The following APBB2 variants were observed in gnomAD, a reference collection of about 807,000 sequenced individuals.
APBB2 encodes Fe65-like 1.
Under a neutral mutation model 82.5 loss-of-function variants are expected in APBB2, and 38 were observed. That is an observed-to-expected ratio of 0.46 (90% CI 0.36 to 0.60). The LOEUF is 0.60. APBB2 is among the 20% of genes least tolerant of loss of function. The pLI, the probability that APBB2 is intolerant of heterozygous loss-of-function variation, is 0.00. For missense variants in APBB2, 772 were observed against 972.3 expected (o/e 0.79, Z 2.74); for synonymous variants, 341 against 368.2 (o/e 0.93, Z 0.85).
chr4:40,816,095 T>A lies in APBB2; in HGVS notation c.2277A>T (p.Pro759=). Reference sequence around the variant, plus strand: ...CCGAGTCCTTTTGCATGTGCAGCTATGGCATTTCGGTGACAGGGCGTTTCT... The same window carrying A: ...CCGAGTCCTTTTGCATGTGCAGCTAAGGCATTTCGGTGACAGGGCGTTTCT... The part of the protein sequence containing the change: ...LKQKRPVTEM[P] Residue 759 remains proline, a synonymous_variant, in exon 18 of 18, where the codon CCA becomes CCT. Coordinates refer to ENST00000508593, the MANE Select transcript of APBB2 (RefSeq NM_004307.2). The A allele has an allele frequency of 6.2e-7, 1 of 1,613,254 alleles. No homozygotes were observed. The highest frequency in any genetic ancestry group is 1.1e-5 in the South Asian group (1 of 91,064).
Position 40,944,937 on chromosome 4 carries a change from G to A in APBB2, c.972C>T (p.Ile324=), listed in dbSNP as rs764018049. The stretch of plus-strand genomic sequence containing the variant: ...TCCTAGAACCCTGGAGATCTGCTGG[G>A]ATGGAGACGGGCCGTTCCCACTGAG... ...GTTQWERPVS[I]PADLQGSRKG... Residue 324 remains isoleucine (I), a synonymous_variant, in exon 7 of 18, where the codon ATC becomes ATT. Coordinates refer to ENST00000508593, the MANE Select transcript of APBB2 (RefSeq NM_004307.2). The A allele has an allele frequency of 1.9e-5, 30 of 1,613,918 alleles. No individual in the cohort carries two copies. The highest frequency in any genetic ancestry group is 2.4e-5 in the Non-Finnish European group (28 of 1,180,028).
At chr4:41,117,538 G>A (rs764354729) in intron 2 of APBB2, among the ~76,000 whole-genome samples, 18 of 152,048 alleles carry the variant, frequency 1.2e-4, no homozygotes, top group Non-Finnish European at 1.9e-4. Flanking sequence ...TGATCCACCC[G>A]CCTTGGCCTC....
At chr4:40,871,352 C>A (rs972004332) in intron 12 of APBB2, among the ~76,000 whole-genome samples, 2 of 151,928 alleles carry the variant, frequency 1.3e-5, no homozygotes, top group Admixed American at 1.3e-4. Context: ...GCCACGTTGG[C>A]CAGGCTGGTC....
At chr4:40,852,847 C>T (rs963156431) in intron 12 of APBB2, among the ~76,000 whole-genome samples, 1 of 152,108 alleles carries the variant, frequency 6.6e-6, no homozygotes, top group African/African-American at 2.4e-5. Flanking sequence ...TGCCACGTTG[C>T]CCAGGCTGGT....
chr4:41,153,171 TG>T (rs1762690403), intron 1 of APBB2, among the ~76,000 whole-genome samples: 1 of 152,210 alleles, frequency 6.6e-6, no homozygotes, highest in Admixed American at 6.5e-5. Flanking sequence ...CTTTTGTGTT[TG>T]CTTACACATA....
At chr4:41,088,743 GGTTTT>G (rs950701132) in intron 3 of APBB2, among the ~76,000 whole-genome samples, 4 of 152,152 alleles carry the variant, frequency 2.6e-5, no homozygotes, top group African/African-American at 9.7e-5. Flanking sequence ...ATAACTAGCA[GGTTTT>G]GTTTTATTTT....
intron 1 of APBB2, among the ~76,000 whole-genome samples, chr4:41,172,955 C>A (rs1368325046): frequency 3.3e-5 from 5 of 152,124 alleles, no homozygotes; most frequent in Non-Finnish European, 5.9e-5. Flanking sequence ...ACACACTACA[C>A]TTTTTTTACT....
In APBB2 at chr4:40,845,221, G is replaced by T. The variant is rs545599755; in HGVS notation, c.1530-14644C>A. 9.2e-5 allele frequency among the ~76,000 whole-genome samples: 14 copies of T among 152,300 alleles called. No homozygotes were observed. In the East Asian group the frequency reaches 2.5e-3, roughly 27 times the overall value. ...TGAAATGTCATTCAGAAACCCAGAA[G>T]AGTCACAGACAGTGCCAGCAGCTCC... On this transcript the variant is annotated intron_variant, in intron 12 of 17. Coordinates refer to ENST00000508593, the MANE Select transcript of APBB2 (RefSeq NM_004307.2).
chr4:41,101,388 C>T (rs1745316022), intron 2 of APBB2, among the ~76,000 whole-genome samples: 1 of 140,288 alleles, frequency 7.1e-6, no homozygotes, highest in Admixed American at 7.6e-5. Flanking sequence ...GGCGTGAACC[C>T]GGGAAGCGGA....
chr4:41,105,824 T>C (rs1290701425), intron 2 of APBB2, among the ~76,000 whole-genome samples: 1 of 150,146 alleles, frequency 6.7e-6, no homozygotes, highest in Non-Finnish European at 1.5e-5. Flanking sequence ...AGGCGGAGCT[T>C]GCGGTGAGCC....
chr4:41,071,214 C>CA (rs1733766872), intron 3 of APBB2, among the ~76,000 whole-genome samples: 1 of 152,038 alleles, frequency 6.6e-6, no homozygotes, highest in African/African-American at 2.4e-5. Context: ...AGTTTGTACA[C>CA]AAAAAATTTT....
rs1459091901 is a variant in APBB2, at chr4:40,935,154, A to T, written c.1045-15T>A. On this transcript the variant is annotated splice_polypyrimidine_tract_variant and intron_variant, in intron 7 of 17. Transcript: ENST00000508593. ...CATGGCTGTTTCTAGACATATAATT[A>T]TTCACATAGGAAAAAAGCACATTGA... 1 of 1,495,602 alleles carries T rather than the reference A, an allele frequency of 6.7e-7. No homozygotes were observed. The highest frequency in any genetic ancestry group is 1.4e-5 in the African/African-American group (1 of 71,436). 92.6% of individuals were successfully genotyped at this position (1,495,602 alleles called of 1,614,324 possible).
chr4:41,202,734 T>C (rs1470877180), intron 1 of APBB2, among the ~76,000 whole-genome samples: 1 of 152,208 alleles, frequency 6.6e-6, no homozygotes, highest in Non-Finnish European at 1.5e-5. Context: ...GTAAAATAAA[T>C]GTGCTTTAAT....
intron 6 of APBB2, among the ~76,000 whole-genome samples, chr4:40,995,107 T>C (rs1457592581): frequency 6.6e-6 from 1 of 152,112 alleles, no homozygotes; most frequent in African/African-American, 2.4e-5. Context: ...TTTAAATATT[T>C]GATTCATCCA....
chr4:41,050,788 C>T (rs1725645513), intron 4 of APBB2, among the ~76,000 whole-genome samples: 1 of 152,176 alleles, frequency 6.6e-6, no homozygotes, highest in Non-Finnish European at 1.5e-5. Context: ...TCAAGCTCTA[C>T]GTTCTCTCAT....
At chr4:40,940,929 G>A (rs1395356620) in intron 7 of APBB2, among the ~76,000 whole-genome samples, 1 of 152,220 alleles carries the variant, frequency 6.6e-6, no homozygotes, top group Non-Finnish European at 1.5e-5. Context: ...GGAGCACCAC[G>A]TGCTAAATTT....
chr4:40,955,935 C>A (rs943479729), intron 6 of APBB2, among the ~76,000 whole-genome samples: 4 of 151,964 alleles, frequency 2.6e-5, no homozygotes, highest in Non-Finnish European at 4.4e-5. Flanking sequence ...GCCACCACGC[C>A]CGGCTAATTT....
intron 6 of APBB2, among the ~76,000 whole-genome samples, chr4:40,989,721 C>CA (rs1194519938): frequency 6.6e-6 from 1 of 152,168 alleles, no homozygotes; most frequent in Non-Finnish European, 1.5e-5. Flanking sequence ...CTCGCTGTCC[C>CA]AAGCTTTAAG....
At chr4:41,004,304 C>T (rs1806078574) in intron 6 of APBB2, among the ~76,000 whole-genome samples, 1 of 152,282 alleles carries the variant, frequency 6.6e-6, no homozygotes, top group Non-Finnish European at 1.5e-5. Flanking sequence ...TTAACATCTC[C>T]TCCTCTTCTT....
Sources: allele counts gnomAD v4.1 joint callset (sites outside exome capture counted in the v4.1 genomes callset), GRCh38; gene constraint gnomAD v4.1.1; transcripts MANE v1.5; gene names NCBI Gene and HGNC (gene_info 2026-07-23, HGNC 2026-07-21).